ATP11A: variants seen among roughly 807,000 people sequenced by gnomAD.
The protein encoded by ATP11A is ATPase phospholipid transporting 11A, also known as phospholipid-transporting ATPase IH.
In ATP11A, 81 loss-of-function variants were observed where a neutral mutation model predicts 154.4. The observed-to-expected ratio is 0.52, with a 90% CI of 0.44 to 0.63. ATP11A has a LOEUF of 0.63. ATP11A is among the 30% of genes least tolerant of loss of function. The probability of loss-of-function intolerance (pLI) is 0.00; values close to 1 mark genes in which losing one functional copy is unlikely to be tolerated. For missense variants in ATP11A, 1,316 were observed against 1,474.3 expected, an observed-to-expected ratio of 0.89 and a Z score of 1.76; for synonymous variants, 623 against 585.9, an observed-to-expected ratio of 1.06 and a Z score of -0.91.
intron 1 of ATP11A, among the ~76,000 whole-genome samples, chr13:112,778,260 C>T (rs953727446): frequency 2.0e-5 from 3 of 152,218 alleles, no homozygotes; most frequent in Non-Finnish European, 2.9e-5. Context: ...GTGCAGTAGG[C>T]GGAGGTTTGC....
At chr13:112,821,619 C>T (rs1390261259) in intron 8 of ATP11A, among the ~76,000 whole-genome samples, 3 of 152,170 alleles carry the variant, frequency 2.0e-5, no homozygotes, top group African/African-American at 7.2e-5. Context: ...CCTAGTTTCA[C>T]TTTTAAATAT....
intron 3 of ATP11A, 145 bp downstream of exon 3, chr13:112,805,191 A>ATAATAC: frequency 2.1e-6 from 1 of 479,566 alleles, no homozygotes. Flanking sequence ...TTCTTAAGGA[A>ATAATAC]GGGCAAAATG....
chr13:112,865,755 T>C (rs2080310027), intron 25 of ATP11A, among the ~76,000 whole-genome samples: 1 of 152,220 alleles, frequency 6.6e-6, no homozygotes, highest in South Asian at 2.1e-4. Context: ...TTTACCGTGT[T>C]AGCCAGGATG....
In ATP11A at chr13:112,852,897, C is replaced by T. The variant is rs1017647256; in HGVS notation, c.1992-1382C>T. Reference sequence around the variant, plus strand: ...TCTGAGCCTCAGCTTCCTTTTGAATCGAATTGTAGGGCCAGGCCCGGTGGA... The same window carrying T: ...TCTGAGCCTCAGCTTCCTTTTGAATTGAATTGTAGGGCCAGGCCCGGTGGA... On this transcript the variant is annotated intron_variant, in intron 18 of 29. Coordinates refer to ENST00000375645, the MANE Select transcript of ATP11A (RefSeq NM_015205.3). Among the ~76,000 whole-genome samples, 3 of 152,032 alleles carry T rather than the reference C, an allele frequency of 2.0e-5. No individual in the cohort carries two copies. In the East Asian group the frequency reaches 5.8e-4, roughly 29 times the overall value.
At chr13:112,765,232 G>C (rs1480178922) in intron 1 of ATP11A, among the ~76,000 whole-genome samples, 1 of 150,366 alleles carries the variant, frequency 6.7e-6, no homozygotes, top group Non-Finnish European at 1.5e-5. Context: ...AGGTGAGGAG[G>C]AGCAGCAGGG....
At chr13:112,808,056 C>T (rs1187852100) in intron 4 of ATP11A, among the ~76,000 whole-genome samples, 1 of 152,014 alleles carries the variant, frequency 6.6e-6, no homozygotes, top group East Asian at 1.9e-4. Context: ...GTAGGGAGGG[C>T]GGCTCTGAAG....
chr13:112,714,715 G>A (rs1202885020), intron 1 of ATP11A, among the ~76,000 whole-genome samples: 1 of 152,242 alleles, frequency 6.6e-6, no homozygotes, highest in East Asian at 1.9e-4. Context: ...AGCACCGAGA[G>A]CCCCTTGCCA....
intron 5 of ATP11A, among the ~76,000 whole-genome samples, chr13:112,812,817 G>T (rs1179564426): frequency 6.6e-6 from 1 of 152,264 alleles, no homozygotes; most frequent in Non-Finnish European, 1.5e-5. Flanking sequence ...CGGGGGTTCA[G>T]AGAGCAGATG....
intron 29 of ATP11A, chr13:112,878,534 C>T (rs1448019840): frequency 3.4e-6 from 2 of 590,272 alleles, no homozygotes; most frequent in African/African-American, 1.9e-5. Context: ...CCCTCAGCGT[C>T]CGTGCAGCCT....
At chr13:112,839,254 C>T (rs1414126223) in intron 16 of ATP11A, among the ~76,000 whole-genome samples, 2 of 151,836 alleles carry the variant, frequency 1.3e-5, no homozygotes, top group Non-Finnish European at 2.9e-5. Context: ...CACAGAAGAC[C>T]GACTCGAAAG....
At chr13:112,846,200 A>G (rs1240280070) in intron 17 of ATP11A, among the ~76,000 whole-genome samples, 2 of 152,070 alleles carry the variant, frequency 1.3e-5, no homozygotes, top group Non-Finnish European at 2.9e-5. Context: ...GCGGCGTTTC[A>G]TCAAGTTTAA....
intron 15 of ATP11A, among the ~76,000 whole-genome samples, chr13:112,835,932 C>T (rs901644980): frequency 3.9e-5 from 6 of 152,278 alleles, no homozygotes; most frequent in Non-Finnish European, 5.9e-5. Flanking sequence ...AGGATGGGGA[C>T]GTAGTGAGGA....
intron 7 of ATP11A, 118 bp downstream of exon 7, chr13:112,819,525 G>A: frequency 1.2e-6 from 1 of 813,646 alleles, no homozygotes; most frequent in Non-Finnish European, 2.0e-6. Context: ...GTAAATCACT[G>A]CTTAAAGATT....
intron 2 of ATP11A, among the ~76,000 whole-genome samples, chr13:112,798,961 G>A (rs9603952): frequency 0.1 from 15,438 of 152,226 alleles, 1,221 homozygotes; most frequent in African/African-American, 0.21. Context: ...TTAAGAGATA[G>A]AGGAAGATGT....
chr13:112,803,533 G>C (rs559372692), intron 2 of ATP11A, among the ~76,000 whole-genome samples: 45 of 152,268 alleles, frequency 3.0e-4, no homozygotes, highest in Non-Finnish European at 4.3e-4. Flanking sequence ...AAACATGTCA[G>C]ATGAAATTTC....
At chr13:112,772,839 G>A (rs1309338007) in intron 1 of ATP11A, among the ~76,000 whole-genome samples, 2 of 152,248 alleles carry the variant, frequency 1.3e-5, no homozygotes, top group African/African-American at 4.8e-5. Context: ...GGGCTTGTTG[G>A]CCATTTGCAG....
intron 1 of ATP11A, among the ~76,000 whole-genome samples, chr13:112,705,667 G>C (rs1297094594): frequency 6.6e-6 from 1 of 152,218 alleles, no homozygotes; most frequent in Non-Finnish European, 1.5e-5. Flanking sequence ...CCTAGTCTGA[G>C]ACCTAAGCAG....
At chr13:112,873,009 C>CGAAG in intron 26 of ATP11A, among the ~76,000 whole-genome samples, 1 of 4,844 alleles carries the variant, frequency 2.1e-4, no homozygotes, top group Non-Finnish European at 4.6e-4. Context: ...TCTTCCTGAG[C>CGAAG]GGTGTGAGGT....
chr13:112,880,504 C>T (rs2140450793), intron 29 of ATP11A: 1 of 1,280,956 alleles, frequency 7.8e-7, no homozygotes, highest in South Asian at 1.3e-5. Context: ...CCTGGTGGCC[C>T]CGTGTGGCCC....
Sources: allele counts gnomAD v4.1 joint callset (sites outside exome capture counted in the v4.1 genomes callset), GRCh38; gene constraint gnomAD v4.1.1; transcripts MANE v1.5; gene names NCBI Gene and HGNC (gene_info 2026-07-23, HGNC 2026-07-21).